The following RAP2A variants were observed in gnomAD, a reference collection of about 807,000 sequenced individuals.
RAP2A encodes RAP2A, member of RAS oncogene family, also known as ras-related protein Rap-2a.
A neutral mutation model predicts 15.1 loss-of-function variants in RAP2A; 5 were observed. The ratio of observed to expected loss-of-function variants is 0.33; its 90% confidence interval spans 0.17 to 0.70. RAP2A has a LOEUF of 0.70. Among genes scored for constraint, RAP2A ranks in the 30% least tolerant of loss-of-function variants. The probability of loss-of-function intolerance (pLI) is 0.68; values close to 1 mark genes in which losing one functional copy is unlikely to be tolerated. For missense variants in RAP2A, 111 were observed against 240.3 expected, an observed-to-expected ratio of 0.46 and a Z score of 3.56; for synonymous variants, 110 against 99.7, an observed-to-expected ratio of 1.10 and a Z score of -0.62.
In RAP2A at chr13:97,467,081, G is replaced by A. The variant is rs1393993100; in HGVS notation, c.*2639G>A. The A allele has an allele frequency of 6.6e-6, 1 of 152,588 alleles. No individual in the cohort carries two copies. Among genetic ancestry groups the A allele is most frequent in the Non-Finnish European group, 1.5e-5 (1 of 68,028 alleles). 9.5% of individuals were successfully genotyped at this position (152,588 alleles called of 1,614,324 possible). A position where few individuals can be genotyped will look rare whatever the true frequency, so the allele number is the denominator to read the frequency against. On this transcript the variant is annotated 3_prime_UTR_variant, in exon 2 of 2. Transcript: ENST00000245304. Reference sequence around the variant, plus strand: ...AGATAAGTGAAAGTTTTTCTAACATGCCTTAAAAATATTATGGTTTGATCC... The same window carrying A: ...AGATAAGTGAAAGTTTTTCTAACATACCTTAAAAATATTATGGTTTGATCC...
At chr13:97,454,842 A>T (rs192408513) in intron 1 of RAP2A, among the ~76,000 whole-genome samples, 1 of 151,458 alleles carries the variant, frequency 6.6e-6, no homozygotes, top group Non-Finnish European at 1.5e-5. Flanking sequence ...TCACTTGAGA[A>T]TATTATTTTC....
chr13:97,436,280 G>A (rs1030243709), intron 1 of RAP2A: 4 of 152,102 alleles, frequency 2.6e-5, no homozygotes, highest in Non-Finnish European at 5.9e-5. Flanking sequence ...AACTTAGTAT[G>A]AGGATGGCAT....
intron 1 of RAP2A, among the ~76,000 whole-genome samples, chr13:97,440,936 T>TA (rs2066655116): frequency 6.6e-6 from 1 of 152,224 alleles, no homozygotes; most frequent in Admixed American, 6.5e-5. Flanking sequence ...GTCTGGGACT[T>TA]ACTTATCTTG....
chr13:97,453,518 TC>T (rs992583947), intron 1 of RAP2A, among the ~76,000 whole-genome samples: 1 of 151,352 alleles, frequency 6.6e-6, no homozygotes, highest in African/African-American at 2.4e-5. Flanking sequence ...TCAGCTAAAT[TC>T]CCTGGAGATT....
rs74105086 is a variant in RAP2A at position 97,440,638 on chromosome 13, T to C, written c.314+5854T>C. On this transcript the variant is annotated intron_variant, in intron 1 of 1. Transcript: ENST00000245304. The stretch of plus-strand genomic sequence containing the variant: ...CAGTGTTTTTCATGATCTTTTTTTC[T>C]TTAAAAACCACTTTATTGAGGTATG... Among the ~76,000 whole-genome samples the C allele has an allele frequency of 1.8e-3, 281 of 152,290 alleles. 1 individual carries two copies. Among genetic ancestry groups the C allele is most frequent in the African/African-American group, 6.4e-3 (267 of 41,566 alleles).
At chr13:97,450,233 G>A (rs1358868248) in intron 1 of RAP2A, among the ~76,000 whole-genome samples, 1 of 152,088 alleles carries the variant, frequency 6.6e-6, no homozygotes, top group East Asian at 1.9e-4. Context: ...CAAAGATGCT[G>A]AAAATGAAGA....
chr13:97,464,674 A>C lies in RAP2A; in HGVS notation c.*232A>C. 1.8e-6 allele frequency: 1 copy of C among 556,680 alleles called. No homozygotes were observed. The highest frequency in any genetic ancestry group is 2.4e-5 in the South Asian group (1 of 42,334). 34.5% of individuals were successfully genotyped at this position (556,680 alleles called of 1,614,324 possible). ...TCTCCTTTATGCATCTGCAACTTTA[A>C]GGCATAGTCCATCGATCTACAGGGT... On this transcript the variant is annotated 3_prime_UTR_variant, in exon 2 of 2. Transcript: ENST00000245304.
At chr13:97,450,505 A>G (rs2066697664) in intron 1 of RAP2A, among the ~76,000 whole-genome samples, 1 of 152,264 alleles carries the variant, frequency 6.6e-6, no homozygotes, top group South Asian at 2.1e-4. Flanking sequence ...TTTCCTTACT[A>G]TTTAAATTAT....
chr13:97,449,793 G>A (rs1379005985), intron 1 of RAP2A, among the ~76,000 whole-genome samples: 1 of 151,668 alleles, frequency 6.6e-6, no homozygotes, highest in East Asian at 1.9e-4. Flanking sequence ...AATAGGCATC[G>A]CCAATAAATC....
chr13:97,461,962 C>CAA lies in RAP2A; in HGVS notation c.315-2234_315-2233dup, dbSNP rs775969872. ...TGGGAGACAGAGCGAGACTCCGTCTCAAAAAAAAAATATATATATATATAT... is the reference window on the plus strand; with the variant it reads ...TGGGAGACAGAGCGAGACTCCGTCTCAAAAAAAAAAAATATATATATATATAT... On this transcript the variant is annotated intron_variant, in intron 1 of 1. Coordinates refer to ENST00000245304, the MANE Select transcript of RAP2A (RefSeq NM_021033.7). Among the ~76,000 whole-genome samples the CAA allele has an allele frequency of 3.1e-3, 331 of 105,862 alleles. 4 individuals carry two copies. The highest frequency in any genetic ancestry group is 0.031 in the Middle Eastern group (4 of 130). 69.4% of individuals were successfully genotyped at this position (105,862 alleles called of 152,430 possible).
At chr13:97,442,352 AATTTAT>A (rs1411033129) in intron 1 of RAP2A, among the ~76,000 whole-genome samples, 1 of 152,066 alleles carries the variant, frequency 6.6e-6, no homozygotes, top group Non-Finnish European at 1.5e-5. Flanking sequence ...AACATACCAA[AATTTAT>A]ATTTAGGGAG....
intron 1 of RAP2A, among the ~76,000 whole-genome samples, chr13:97,439,739 T>C (rs990822310): frequency 3.9e-5 from 6 of 151,960 alleles, no homozygotes; most frequent in African/African-American, 1.5e-4. Flanking sequence ...TGGCTAACAA[T>C]AGAAATGAGG....
chr13:97,434,271 C>T lies in RAP2A; in HGVS notation c.-200C>T. On this transcript the variant is annotated 5_prime_UTR_variant, in exon 1 of 2. Transcript: ENST00000245304. Reference sequence around the variant, plus strand: ...TACGGGGCCGCATCGCCGCCCGGCTCGGCCCGGCCCATGCCCAGGGCCGCT... The same window carrying T: ...TACGGGGCCGCATCGCCGCCCGGCTTGGCCCGGCCCATGCCCAGGGCCGCT... 5.9e-6 allele frequency: 1 copy of T among 169,284 alleles called. No homozygotes were observed. The highest frequency in any genetic ancestry group is 1.1e-5 in the Non-Finnish European group (1 of 88,696). The allele number at this position is 169,284 out of a possible 1,614,324, so 10.5% of individuals were successfully genotyped here.
chr13:97,445,027 G>C (rs1414771765), intron 1 of RAP2A, among the ~76,000 whole-genome samples: 2 of 152,100 alleles, frequency 1.3e-5, no homozygotes. Flanking sequence ...ATGGTGTAAA[G>C]GGCAAAATGG....
At chr13:97,453,886 T>A (rs1274233709) in intron 1 of RAP2A, among the ~76,000 whole-genome samples, 2 of 151,348 alleles carry the variant, frequency 1.3e-5, no homozygotes, top group African/African-American at 4.9e-5. Flanking sequence ...TTAGCCATTA[T>A]GATAAATGGC....
intron 1 of RAP2A, among the ~76,000 whole-genome samples, chr13:97,459,732 C>G (rs1422024813): frequency 7.9e-5 from 12 of 152,202 alleles, no homozygotes; most frequent in African/African-American, 2.7e-4. Context: ...ACTGTGGCAC[C>G]TGTGCTCCCC....
intron 1 of RAP2A, among the ~76,000 whole-genome samples, chr13:97,461,557 TTAA>T (rs1287858960): frequency 2.6e-5 from 4 of 152,374 alleles, no homozygotes; most frequent in African/African-American, 9.6e-5. Flanking sequence ...ATTCTTGATT[TTAA>T]TAATGTATCA....
chr13:97,447,392 C>T lies in RAP2A; in HGVS notation c.314+12608C>T, dbSNP rs2066684311. Among the ~76,000 whole-genome samples the T allele has an allele frequency of 2.0e-5, 3 of 152,266 alleles. No homozygotes were observed. The South Asian group carries it at 6.2e-4, about 32-fold the overall frequency. On this transcript the variant is annotated intron_variant, in intron 1 of 1. Coordinates refer to ENST00000245304, the MANE Select transcript of RAP2A (RefSeq NM_021033.7). ...GTTTATAAAAGTAATTGATGTAAACCATCTAATTTCTGTTGATGAAGAAAG... is the reference window on the plus strand; with the variant it reads ...GTTTATAAAAGTAATTGATGTAAACTATCTAATTTCTGTTGATGAAGAAAG...
At position 97,434,536 on chromosome 13, in the gene RAP2A, G is replaced by T. The variant is rs1156621542; in HGVS notation, c.66G>T (p.Gln22His). 6.2e-7 allele frequency: 1 copy of T among 1,614,044 alleles called. No homozygotes were observed. Among genetic ancestry groups the T allele is most frequent in the Non-Finnish European group, 8.5e-7 (1 of 1,179,986 alleles). The stretch of plus-strand genomic sequence containing the variant: ...TAGGCAAATCCGCCCTGACCGTGCA[G>T]TTCGTGACCGGCACCTTCATCGAGA... ...GGVGKSALTV[Q>H]FVTGTFIEKY... Residue 22 changes from glutamine (Q) to histidine (H), a missense_variant, in exon 1 of 2, where the codon CAG becomes CAT. Around this residue, in one of 3 missense-constraint regions of RAP2A, gnomAD observed 20 missense variants for 28.2 expected, o/e 0.71. Coordinates refer to ENST00000245304, the MANE Select transcript of RAP2A (RefSeq NM_021033.7).
Sources: allele counts gnomAD v4.1 joint callset (sites outside exome capture counted in the v4.1 genomes callset), GRCh38; gene constraint gnomAD v4.1.1; regional missense constraint gnomAD v4.1.1; transcripts MANE v1.5; gene names NCBI Gene and HGNC (gene_info 2026-07-23, HGNC 2026-07-21).